Variants in CDKN2B-AS1 observed in about 807,000 individuals in gnomAD.
CDKN2B-AS1 encodes CDKN2B and CDKN2A antisense cis and trans regulatory RNA 1.
intron 1 of CDKN2B-AS1, chr9:22,012,594 T>G (rs1821560668): frequency 2.2e-6 from 1 of 447,928 alleles, no homozygotes; most frequent in African/African-American, 2.0e-5. Context: ...CCCTGGAGCC[T>G]CAATAAAGTG....
chr9:22,023,017 C>G (rs867850544), intron 1 of CDKN2B-AS1, among the ~76,000 whole-genome samples: 1 of 152,214 alleles, frequency 6.6e-6, no homozygotes, highest in South Asian at 2.1e-4. Flanking sequence ...ATGGGGTTCC[C>G]TTTGTAACCT....
intron 4 of CDKN2B-AS1, among the ~76,000 whole-genome samples, chr9:22,059,833 C>A (rs536278398): frequency 6.6e-6 from 1 of 152,336 alleles, no homozygotes; most frequent in African/African-American, 2.4e-5. Flanking sequence ...TCTGGGCACC[C>A]ACAGGGTCAA....
intron 4 of CDKN2B-AS1, among the ~76,000 whole-genome samples, chr9:22,098,627 CTG>C (rs1455982898): frequency 6.6e-6 from 1 of 152,208 alleles, no homozygotes; most frequent in African/African-American, 2.4e-5. Flanking sequence ...AACACCAACT[CTG>C]TATCAGTTAC....
chr9:22,023,859 C>G (rs902211444), intron 1 of CDKN2B-AS1, among the ~76,000 whole-genome samples: 25 of 152,230 alleles, frequency 1.6e-4, no homozygotes, highest in African/African-American at 5.8e-4. Flanking sequence ...ATTTTTAGTT[C>G]CTTTGCATTT....
intron 1 of CDKN2B-AS1, among the ~76,000 whole-genome samples, chr9:22,018,110 G>GGAGTTCAC (rs1821857243): frequency 3.3e-5 from 5 of 151,738 alleles, no homozygotes; most frequent in African/African-American, 1.2e-4. Context: ...GATCACCTGA[G>GGAGTTCAC]GTCAGGAGTT....
intron 4 of CDKN2B-AS1, among the ~76,000 whole-genome samples, chr9:22,103,900 G>A (rs113041129): frequency 3.9e-5 from 6 of 152,176 alleles, no homozygotes; most frequent in Non-Finnish European, 8.8e-5. Context: ...TCCAGTGACG[G>A]TTATTGCAAC....
Position 22,003,077 on chromosome 9 carries a change from CTA to C in CDKN2B-AS1, n.29+7920_29+7921del, listed in dbSNP as rs1281856252. 4.7e-5 allele frequency: 10 copies of C among 212,958 alleles called. No individual in the cohort carries two copies. In the Admixed American group the frequency reaches 5.9e-4, roughly 12 times the overall value. The allele number at this position is 212,958 out of a possible 1,614,324, so 13.2% of individuals were successfully genotyped here. Reference sequence around the variant, plus strand: ...GAAGCAGGACTCATGAAAATAGTAACTATATGTTTTGCATGTATCCTTCAAAG... The same window carrying C: ...GAAGCAGGACTCATGAAAATAGTAACTATGTTTTGCATGTATCCTTCAAAG... On this transcript the variant is annotated intron_variant and non_coding_transcript_variant, in intron 1 of 4. Transcript: ENST00000650946.
At chr9:22,086,755 C>T (rs1297624181) in intron 4 of CDKN2B-AS1, among the ~76,000 whole-genome samples, 2 of 152,084 alleles carry the variant, frequency 1.3e-5, no homozygotes, top group African/African-American at 4.8e-5. Context: ...ATTTATCTAT[C>T]CATTTATTTA....
chr9:22,127,707 G>C (rs1249446376), exon 5 of CDKN2B-AS1, among the ~76,000 whole-genome samples: 1 of 152,116 alleles, frequency 6.6e-6, no homozygotes, highest in Non-Finnish European at 1.5e-5. Flanking sequence ...TACGAACTTT[G>C]ACTTAACGAG....
At chr9:22,059,359 G>A (rs1823709963) in intron 4 of CDKN2B-AS1, among the ~76,000 whole-genome samples, 1 of 152,144 alleles carries the variant, frequency 6.6e-6, no homozygotes, top group Non-Finnish European at 1.5e-5. Flanking sequence ...AGGGTTACAG[G>A]GCCCATGCAA....
At chr9:22,102,387 A>G (rs1329286860) in intron 4 of CDKN2B-AS1, among the ~76,000 whole-genome samples, 3 of 152,198 alleles carry the variant, frequency 2.0e-5, no homozygotes, top group Non-Finnish European at 4.4e-5. Flanking sequence ...AACTATCACA[A>G]ACTTGATGGC....
At chr9:22,125,040 C>T (rs916295034) in intron 4 of CDKN2B-AS1, among the ~76,000 whole-genome samples, 6 of 152,366 alleles carry the variant, frequency 3.9e-5, no homozygotes, top group South Asian at 2.1e-4. Context: ...CTCACATGTA[C>T]GTGCATGCAC....
intron 4 of CDKN2B-AS1, among the ~76,000 whole-genome samples, chr9:22,089,860 G>T (rs1229262785): frequency 6.6e-6 from 1 of 151,866 alleles, no homozygotes; most frequent in South Asian, 2.1e-4. Flanking sequence ...ACGTTTTAGG[G>T]TACATGTGCA....
In CDKN2B-AS1 at chr9:22,006,804, CTTT is replaced by C. The variant is rs1563915003; in HGVS notation, n.29+11645_29+11647del. Reference sequence around the variant, plus strand: ...CTCATAGCAAATCCCGTGCGGAAGGCTTTTGTTTGTCATGTGTCTGAGCTCATA... The same window carrying C: ...CTCATAGCAAATCCCGTGCGGAAGGCTGTTTGTCATGTGTCTGAGCTCATA... On this transcript the variant is annotated intron_variant and non_coding_transcript_variant, in intron 1 of 4. Transcript: ENST00000650946. This position sits in a 1 kb window ranked among gnomAD's most constrained non-coding sequence, Gnocchi z 6.4. Among the ~76,000 whole-genome samples the C allele has an allele frequency of 6.6e-6, 1 of 151,364 alleles. No individual in the cohort carries two copies.
rs1821177663 is a variant in CDKN2B-AS1 at position 22,006,195 on chromosome 9, G to A, written n.29+11034G>A. On this transcript the variant is annotated intron_variant and non_coding_transcript_variant, in intron 1 of 4. Transcript: ENST00000650946. This position sits in a 1 kb window ranked among gnomAD's most constrained non-coding sequence, Gnocchi z 6.4. ...GGCAGGGTCTGCGCAGTTGGGCTCC[G>A]CGCCGTGGAGCAGCAGCAGCTCCGC... 1.2e-6 allele frequency: 2 copies of A among 1,608,650 alleles called. No homozygotes were observed. The highest frequency in any genetic ancestry group is 1.7e-6 in the Non-Finnish European group (2 of 1,179,762).
At chr9:22,093,434 A>G (rs1027717607) in intron 4 of CDKN2B-AS1, among the ~76,000 whole-genome samples, 27 of 113,192 alleles carry the variant, frequency 2.4e-4, no homozygotes, top group Non-Finnish European at 4.2e-4. Context: ...AAAGTGTCCT[A>G]TTATTATTGT....
chr9:22,064,046 CA>C (rs567159017), intron 4 of CDKN2B-AS1: 74 of 152,154 alleles, frequency 4.9e-4, no homozygotes, highest in Admixed American at 1.5e-3. Flanking sequence ...CTGGAAGTGG[CA>C]GGGGGTATAA....
At chr9:22,042,302 A>G (rs889844083) in intron 1 of CDKN2B-AS1, among the ~76,000 whole-genome samples, 2 of 152,132 alleles carry the variant, frequency 1.3e-5, no homozygotes, top group Non-Finnish European at 2.9e-5. Flanking sequence ...ACTGGACACT[A>G]GAAATATAAT....
At position 22,009,014 on chromosome 9, in the gene CDKN2B-AS1, C is replaced by T; in HGVS notation, n.29+13853C>T. On this transcript the variant is annotated intron_variant and non_coding_transcript_variant, in intron 1 of 4. Transcript: ENST00000650946. ...CCACCGTTGGCCGTAAACTTAACGA[C>T]ACTCTTCCCTTCTTTCCCACGCTGC... 2.5e-6 allele frequency: 4 copies of T among 1,609,770 alleles called. No individual in the cohort carries two copies. The Admixed American group carries it at 5.0e-5, about 20-fold the overall frequency.
Sources: gnomAD v4.1 joint callset for allele counts (sites outside exome capture counted in the v4.1 genomes callset) on GRCh38, gnomAD v4.1.1 for gene constraint, Gnocchi (gnomAD v3.1) non-coding constraint, MANE v1.5 for transcripts, NCBI Gene and HGNC (gene_info 2026-07-23, HGNC 2026-07-21) for gene names.